Variants in OSBPL3 observed in about 807,000 individuals in gnomAD.
The protein encoded by OSBPL3 is oxysterol-binding protein-related protein 3.
A neutral mutation model predicts 120.1 loss-of-function variants in OSBPL3; 65 were observed. The observed-to-expected ratio is 0.54, with a 90% CI of 0.44 to 0.67. OSBPL3 has a LOEUF of 0.67. Among genes scored for constraint, OSBPL3 ranks in the 30% least tolerant of loss-of-function variants. OSBPL3 has a pLI of 0.00. For missense variants in OSBPL3, 1,004 were observed against 1,082.1 expected, an observed-to-expected ratio of 0.93 and a Z score of 1.01; for synonymous variants, 416 against 402.6, an observed-to-expected ratio of 1.03 and a Z score of -0.40.
rs952611448 is a variant in OSBPL3, at chr7:24,959,555, C to T, written c.-150+20331G>A. On this transcript the variant is annotated intron_variant, in intron 1 of 22. Coordinates refer to ENST00000313367, the MANE Select transcript of OSBPL3 (RefSeq NM_015550.4). The surrounding 1 kb of genome is among the most constrained non-coding windows in gnomAD (Gnocchi z 4.3). ...AATTACCCATTGCGGGTAGGGATAG[C>T]GACTTCGGAAGAGCTGGTAATCACC... is the stretch of plus-strand genomic sequence containing the variant. Among the ~76,000 whole-genome samples, 16 of 152,148 alleles carry T rather than the reference C, an allele frequency of 1.1e-4. No homozygotes were observed. Among genetic ancestry groups the T allele is most frequent in the African/African-American group, 3.6e-4 (15 of 41,436 alleles).
intron 12 of OSBPL3, among the ~76,000 whole-genome samples, chr7:24,845,269 A>T (rs2128212607): frequency 6.6e-6 from 1 of 151,538 alleles, no homozygotes; most frequent in South Asian, 2.1e-4. Context: ...TTTCCTTTTT[A>T]AAAAACAAGC....
chr7:24,850,966 G>C, intron 11 of OSBPL3, among the ~76,000 whole-genome samples: 1 of 152,210 alleles, frequency 6.6e-6, no homozygotes, highest in East Asian at 1.9e-4. Flanking sequence ...GAATATGGGT[G>C]AGAATGAATT....
intron 1 of OSBPL3, among the ~76,000 whole-genome samples, chr7:24,908,648 T>C (rs551055821): frequency 5.6e-4 from 86 of 152,240 alleles, no homozygotes; most frequent in Non-Finnish European, 1.0e-3. Context: ...CAAGTTTTAA[T>C]GTTTCAAGTT....
chr7:24,871,923 A>C lies in OSBPL3; in HGVS notation c.213+30T>G, dbSNP rs1220185489. The C allele has an allele frequency of 1.1e-5, 17 of 1,531,184 alleles. No individual in the cohort carries two copies. The highest frequency in any genetic ancestry group is 1.4e-5 in the Non-Finnish European group (16 of 1,104,688). 94.8% of individuals were successfully genotyped at this position (1,531,184 alleles called of 1,614,324 possible). A position where few individuals can be genotyped will look rare whatever the true frequency, so the allele number is the denominator to read the frequency against. ...GTGCTGAGTGGGGCAGTGTGAGTGCAAATAAAGGGGAGGCCAAGACCAACC... is the reference window on the plus strand; with the variant it reads ...GTGCTGAGTGGGGCAGTGTGAGTGCCAATAAAGGGGAGGCCAAGACCAACC... On this transcript the variant is annotated intron_variant, in intron 3 of 22. Transcript: ENST00000313367. The surrounding 1 kb of genome is among the most constrained non-coding windows in gnomAD (Gnocchi z 4.8).
intron 1 of OSBPL3, chr7:24,906,222 C>T (rs1028566409): frequency 3.9e-6 from 1 of 255,254 alleles, no homozygotes; most frequent in Non-Finnish European, 8.0e-6. Context: ...TGTGACCTCC[C>T]ATGGCAGCCT....
rs150045609 is a variant in OSBPL3, at chr7:24,968,341, G to C, written c.-150+11545C>G. 1.3e-3 allele frequency among the ~76,000 whole-genome samples: 196 copies of C among 152,312 alleles called. 1 individual carries two copies. Among genetic ancestry groups the C allele is most frequent in the Non-Finnish European group, 1.7e-3 (115 of 68,022 alleles). On this transcript the variant is annotated intron_variant, in intron 1 of 22. Coordinates refer to ENST00000313367, the MANE Select transcript of OSBPL3 (RefSeq NM_015550.4). This position sits in a 1 kb window ranked among gnomAD's most constrained non-coding sequence, Gnocchi z 4.6. ...ACATGAAGTAATCAGCCAAGGGCTT[G>C]GGAAGTCACGCACAGTTGGTTCCCA...
At chr7:24,902,965 G>A (rs1562906890) in intron 1 of OSBPL3, among the ~76,000 whole-genome samples, 1 of 152,140 alleles carries the variant, frequency 6.6e-6, no homozygotes, top group Non-Finnish European at 1.5e-5. Context: ...TTTTCCATGT[G>A]CAGTATGTGT....
rs1812758096 is a variant in OSBPL3, at chr7:24,938,872, A to G, written c.-150+41014T>C. ...ACTAATGTGGCCAAGAAAGAAAAAA[A>G]AAAAAGATTGTTATTAAGGAAAAAG... On this transcript the variant is annotated intron_variant, in intron 1 of 22. Coordinates refer to ENST00000313367, the MANE Select transcript of OSBPL3 (RefSeq NM_015550.4). This position sits in a 1 kb window ranked among gnomAD's most constrained non-coding sequence, Gnocchi z 5.8. Among the ~76,000 whole-genome samples, 1 of 151,384 alleles carries G rather than the reference A, an allele frequency of 6.6e-6. No homozygotes were observed. Among genetic ancestry groups the G allele is most frequent in the Non-Finnish European group, 1.5e-5 (1 of 67,912 alleles).
At chr7:24,969,555 T>G (rs1474366235) in intron 1 of OSBPL3, among the ~76,000 whole-genome samples, 1 of 152,182 alleles carries the variant, frequency 6.6e-6, no homozygotes, top group Non-Finnish European at 1.5e-5. Context: ...TTATTAAAAG[T>G]GTATTGTATT....
At position 24,979,960 on chromosome 7, in the gene OSBPL3, G is replaced by A. The variant is rs1818102441; in HGVS notation, c.-224C>T. 2.0e-6 allele frequency: 2 copies of A among 982,486 alleles called. No individual in the cohort carries two copies. Among genetic ancestry groups the A allele is most frequent in the Non-Finnish European group, 2.4e-6 (2 of 828,722 alleles). 60.9% of individuals were successfully genotyped at this position (982,486 alleles called of 1,614,324 possible). On this transcript the variant is annotated 5_prime_UTR_variant, in exon 1 of 23. Coordinates refer to ENST00000313367, the MANE Select transcript of OSBPL3 (RefSeq NM_015550.4). ...CCGGGGTTAGCGCACAGAACCGGGAGAAGGCAACCCCGGCTTCTCCGGTAC... is the reference window on the plus strand; with the variant it reads ...CCGGGGTTAGCGCACAGAACCGGGAAAAGGCAACCCCGGCTTCTCCGGTAC...
intron 1 of OSBPL3, among the ~76,000 whole-genome samples, chr7:24,927,518 T>C (rs1475801559): frequency 6.6e-6 from 1 of 152,212 alleles, no homozygotes; most frequent in Non-Finnish European, 1.5e-5. Flanking sequence ...AAAGAAGAAT[T>C]AATAACTGAA....
At chr7:24,892,266 T>C in intron 2 of OSBPL3, 111 bp downstream of exon 2, 2 of 1,044,840 alleles carry the variant, frequency 1.9e-6, no homozygotes, top group Non-Finnish European at 2.8e-6. Context: ...TAACCAAAAG[T>C]AAATGCTCTT....
chr7:24,921,622 G>A (rs963718759), intron 1 of OSBPL3, among the ~76,000 whole-genome samples: 1 of 152,032 alleles, frequency 6.6e-6, no homozygotes, highest in Non-Finnish European at 1.5e-5. Context: ...TACCCTCTAG[G>A]GTACCTCTCA....
chr7:24,980,362 C>T (rs966512709), upstream of OSBPL3, among the ~76,000 whole-genome samples: 1 of 151,886 alleles, frequency 6.6e-6, no homozygotes, highest in East Asian at 2.0e-4. Context: ...AAGAAGCCAG[C>T]GGATTCCATG....
chr7:24,975,679 G>A (rs915965103), intron 1 of OSBPL3, among the ~76,000 whole-genome samples: 1 of 152,106 alleles, frequency 6.6e-6, no homozygotes, highest in Non-Finnish European at 1.5e-5. Flanking sequence ...TAGCACAGGA[G>A]GCAACAGGGT....
chr7:24,924,311 C>A (rs536637662), intron 1 of OSBPL3, among the ~76,000 whole-genome samples: 1 of 152,108 alleles, frequency 6.6e-6, no homozygotes, highest in Non-Finnish European at 1.5e-5. Context: ...TGGGTGGCAA[C>A]GCTAAGAGAT....
At chr7:24,935,814 G>A (rs1812337363) in intron 1 of OSBPL3, among the ~76,000 whole-genome samples, 1 of 151,688 alleles carries the variant, frequency 6.6e-6, no homozygotes, top group Non-Finnish European at 1.5e-5. Flanking sequence ...ATGAGTATGA[G>A]TTGCTTTAAT....
chr7:24,923,485 C>T (rs1393518762), intron 1 of OSBPL3, among the ~76,000 whole-genome samples: 1 of 152,154 alleles, frequency 6.6e-6, no homozygotes, highest in Non-Finnish European at 1.5e-5. Flanking sequence ...CCACTGAACT[C>T]AGTAGATGGG....
At position 24,804,000 on chromosome 7, in the gene OSBPL3, G is replaced by A. The variant is rs62449825; in HGVS notation, c.2567+315C>T. The stretch of plus-strand genomic sequence containing the variant: ...AGCTGTGGATTTAATAAGCTGGCCT[G>A]GTGCTGGGACCCAGTTCTGGCAGGC... On this transcript the variant is annotated intron_variant, in intron 22 of 22. Transcript: ENST00000313367. The surrounding 1 kb of genome is among the most constrained non-coding windows in gnomAD (Gnocchi z 4.2). Among the ~76,000 whole-genome samples, 53 of 152,128 alleles carry A rather than the reference G, an allele frequency of 3.5e-4. No individual in the cohort carries two copies. Among genetic ancestry groups the A allele is most frequent in the Non-Finnish European group, 7.2e-4 (49 of 68,020 alleles).
Sources: allele counts gnomAD v4.1 joint callset (sites outside exome capture counted in the v4.1 genomes callset), GRCh38; gene constraint gnomAD v4.1.1; non-coding constraint Gnocchi (gnomAD v3.1); transcripts MANE v1.5; gene names NCBI Gene and HGNC (gene_info 2026-07-23, HGNC 2026-07-21).